Variants in NARS2 observed in about 807,000 individuals in gnomAD.
NARS2 encodes asparaginyl-tRNA synthetase.
In NARS2, 60 loss-of-function variants were observed where a neutral mutation model predicts 62.9. That is an observed-to-expected ratio of 0.95 (90% CI 0.77 to 1.18). NARS2 has a LOEUF of 1.18. Among genes scored for constraint, NARS2 ranks in the 50% most tolerant of loss-of-function variants. The pLI is 0.00. For synonymous variants in NARS2, 196 were observed against 200.0 expected (o/e 0.98, Z 0.17); for missense variants, 619 against 576.4 (o/e 1.07, Z -0.76).
chr11:78,446,415 T>C (rs1327434898), intron 11 of NARS2, among the ~76,000 whole-genome samples: 1 of 152,232 alleles, frequency 6.6e-6, no homozygotes, highest in African/African-American at 2.4e-5. Flanking sequence ...TTATCCCTTC[T>C]GTCCTCAGAG....
intron 5 of NARS2, among the ~76,000 whole-genome samples, chr11:78,540,120 T>C (rs1336846863): frequency 1.3e-5 from 2 of 152,104 alleles, no homozygotes; most frequent in Non-Finnish European, 2.9e-5. Flanking sequence ...AAACAAAAAT[T>C]TTTGCTAGGT....
At chr11:78,546,265 T>C (rs566757202) in intron 5 of NARS2, among the ~76,000 whole-genome samples, 1 of 152,320 alleles carries the variant, frequency 6.6e-6, no homozygotes, top group East Asian at 1.9e-4. Context: ...ACACAAATAG[T>C]TTGAGGTCTC....
intron 9 of NARS2, among the ~76,000 whole-genome samples, chr11:78,477,581 C>G (rs4945281): frequency 0.27 from 41,245 of 152,070 alleles, 6,305 homozygotes; most frequent in East Asian, 0.42. Flanking sequence ...AACTTGGCTG[C>G]GCCATGGTCT....
intron 6 of NARS2, among the ~76,000 whole-genome samples, chr11:78,504,096 T>C (rs967220050): frequency 6.6e-6 from 1 of 152,228 alleles, no homozygotes; most frequent in Non-Finnish European, 1.5e-5. Context: ...AGAAAACTTC[T>C]GAGATAACTC....
chr11:78,445,466 C>T (rs1402002197), intron 11 of NARS2, among the ~76,000 whole-genome samples: 2 of 151,970 alleles, frequency 1.3e-5, no homozygotes, highest in African/African-American at 2.4e-5. Context: ...GCCAAAAATA[C>T]AAAAATTAGC....
At chr11:78,540,456 G>A (rs1199589967) in intron 5 of NARS2, among the ~76,000 whole-genome samples, 1 of 140,856 alleles carries the variant, frequency 7.1e-6, no homozygotes, top group Non-Finnish European at 1.6e-5. Flanking sequence ...AAGCTGAACA[G>A]TGGAAAGGAA....
At chr11:78,459,278 T>G (rs1055306568) in intron 11 of NARS2, among the ~76,000 whole-genome samples, 1 of 150,812 alleles carries the variant, frequency 6.6e-6, no homozygotes, top group Non-Finnish European at 1.5e-5. Flanking sequence ...TTGTTTGTTT[T>G]TTTTAAATTG....
chr11:78,498,852 T>A (rs1860166711), intron 6 of NARS2, among the ~76,000 whole-genome samples: 1 of 150,952 alleles, frequency 6.6e-6, no homozygotes, highest in African/African-American at 2.4e-5. Flanking sequence ...CATATATATA[T>A]ATTTTATTTG....
rs879552325 is a variant in NARS2, at chr11:78,436,012, A to C, written c.*658T>G. On this transcript the variant is annotated 3_prime_UTR_variant, in exon 14 of 14. Coordinates refer to ENST00000281038, the MANE Select transcript of NARS2 (RefSeq NM_024678.6). ...TTTTATTAGACAAATTATAAACATC[A>C]AATATAAACAAATTATAACAACAGT... The C allele has an allele frequency of 2.0e-5, 3 of 152,184 alleles. No homozygotes were observed. Among genetic ancestry groups the C allele is most frequent in the Non-Finnish European group, 2.9e-5 (2 of 68,022 alleles). The allele number at this position is 152,184 out of a possible 1,614,324, so 9.4% of individuals were successfully genotyped here. A position where few individuals can be genotyped will look rare whatever the true frequency, so the allele number is the denominator to read the frequency against.
At chr11:78,535,718 C>T (rs1213982556) in intron 5 of NARS2, among the ~76,000 whole-genome samples, 1 of 151,886 alleles carries the variant, frequency 6.6e-6, no homozygotes, top group Non-Finnish European at 1.5e-5. Flanking sequence ...CAACCTCTGC[C>T]CCGCCAGGTT....
At chr11:78,491,483 C>T (rs1378484980) in intron 7 of NARS2, among the ~76,000 whole-genome samples, 1 of 152,228 alleles carries the variant, frequency 6.6e-6, no homozygotes, top group African/African-American at 2.4e-5. Flanking sequence ...CAGGAACTGT[C>T]GAGACCCAAA....
At chr11:78,572,845 T>C (rs963683169) in intron 1 of NARS2, among the ~76,000 whole-genome samples, 4 of 152,192 alleles carry the variant, frequency 2.6e-5, no homozygotes, top group Non-Finnish European at 5.9e-5. Flanking sequence ...TATTGAGATA[T>C]TTTGCATTCT....
In NARS2 at chr11:78,464,573, GTAGC is replaced by G. The variant is rs1272931931; in HGVS notation, c.1164+1299_1164+1302del. Among the ~76,000 whole-genome samples the G allele has an allele frequency of 2.0e-5, 3 of 152,236 alleles. No homozygotes were observed. The East Asian group carries it at 5.8e-4, about 29-fold the overall frequency. ...AAAGGTTCTCCAAGTCCCCACCAGA[GTAGC>G]TAGACAGTGTCCACTGGTGCATTCA... On this transcript the variant is annotated intron_variant, in intron 11 of 13. Coordinates refer to ENST00000281038, the MANE Select transcript of NARS2 (RefSeq NM_024678.6).
intron 9 of NARS2, among the ~76,000 whole-genome samples, chr11:78,476,704 G>A (rs1253019860): frequency 6.6e-6 from 1 of 152,194 alleles, no homozygotes; most frequent in Non-Finnish European, 1.5e-5. Context: ...TATGCAGAAT[G>A]GATTATGACA....
At chr11:78,456,441 G>A (rs1046302504) in intron 11 of NARS2, among the ~76,000 whole-genome samples, 2 of 152,146 alleles carry the variant, frequency 1.3e-5, no homozygotes, top group East Asian at 3.8e-4. Flanking sequence ...ATTCTCTTTA[G>A]TCCTAGATAT....
In NARS2 at chr11:78,488,702, G is replaced by C. The variant is rs966107202; in HGVS notation, c.822+4361C>G. ...TATAAGATAAAGGGGTGAAGGTAAA[G>C]GGAAATACATAGTAGTAAGACTGTT... is the stretch of plus-strand genomic sequence containing the variant. On this transcript the variant is annotated intron_variant, in intron 7 of 13. Transcript: ENST00000281038. Among the ~76,000 whole-genome samples the C allele has an allele frequency of 7.9e-5, 12 of 152,310 alleles. No individual in the cohort carries two copies. In the South Asian group the frequency reaches 1.2e-3, roughly 16 times the overall value.
Position 78,537,813 on chromosome 11 carries a change from T to C in NARS2, c.595-8877A>G, listed in dbSNP as rs377652661. On this transcript the variant is annotated intron_variant, in intron 5 of 13. Coordinates refer to ENST00000281038, the MANE Select transcript of NARS2 (RefSeq NM_024678.6). Reference sequence around the variant, plus strand: ...ATCTTGTCCCTAATACGTACGTACATACATACATACATGCAAACATACATA... The same window carrying C: ...ATCTTGTCCCTAATACGTACGTACACACATACATACATGCAAACATACATA... 5.9e-5 allele frequency among the ~76,000 whole-genome samples: 9 copies of C among 152,178 alleles called. No homozygotes were observed. In the South Asian group the frequency reaches 1.9e-3, roughly 31 times the overall value.
intron 6 of NARS2, among the ~76,000 whole-genome samples, chr11:78,495,819 G>A (rs1029979833): frequency 2.6e-5 from 4 of 152,166 alleles, no homozygotes; most frequent in African/African-American, 9.7e-5. Context: ...CCATCTCTAG[G>A]TAGGTTGGCA....
chr11:78,535,662 T>G (rs1283747142), intron 5 of NARS2, among the ~76,000 whole-genome samples: 1 of 151,764 alleles, frequency 6.6e-6, no homozygotes, highest in Non-Finnish European at 1.5e-5. Flanking sequence ...AGAGTTTCAC[T>G]CTTATTGCCG....
Sources: gnomAD v4.1 joint callset for allele counts (sites outside exome capture counted in the v4.1 genomes callset) on GRCh38, gnomAD v4.1.1 for gene constraint, MANE v1.5 for transcripts, NCBI Gene and HGNC (gene_info 2026-07-23, HGNC 2026-07-21) for gene names.